The following ADAMTS14 variants were observed in gnomAD, a reference collection of about 807,000 sequenced individuals.
ADAMTS14 encodes A disintegrin and metalloproteinase with thrombospondin motifs 14.
Under a neutral mutation model 128.6 loss-of-function variants are expected in ADAMTS14, and 100 were observed. The ratio of observed to expected loss-of-function variants is 0.78; its 90% CI spans 0.66 to 0.92. The LOEUF (loss-of-function observed/expected upper bound fraction) is 0.92, where lower values mean the gene tolerates loss of function less well. Among genes scored for constraint, ADAMTS14 ranks in the 40% least tolerant of loss-of-function variants. The pLI is 0.00. For missense variants in ADAMTS14, 1,562 were observed against 1,658.6 expected, an observed-to-expected ratio of 0.94 and a Z score of 1.01; for synonymous variants, 665 against 653.8, an observed-to-expected ratio of 1.02 and a Z score of -0.26.
chr10:70,719,102 G>A (rs1354396690), intron 4 of ADAMTS14, among the ~76,000 whole-genome samples: 1 of 151,882 alleles, frequency 6.6e-6, no homozygotes, highest in Non-Finnish European at 1.5e-5. Context: ...TAGAGGCCAG[G>A]GATTCCACTA....
At chr10:70,751,215 G>A (rs1647383711) in intron 16 of ADAMTS14, among the ~76,000 whole-genome samples, 1 of 152,146 alleles carries the variant, frequency 6.6e-6, no homozygotes, top group African/African-American at 2.4e-5. Flanking sequence ...CAGAACTGAG[G>A]TCTATGAAAG....
At chr10:70,700,525 G>A (rs1026182510) in intron 2 of ADAMTS14, among the ~76,000 whole-genome samples, 6 of 152,222 alleles carry the variant, frequency 3.9e-5, no homozygotes, top group Admixed American at 6.5e-5. Flanking sequence ...GCCTGTCTGG[G>A]AGGAGGGAGG....
chr10:70,715,803 GC>G (rs1841019832), intron 4 of ADAMTS14, among the ~76,000 whole-genome samples: 3 of 152,184 alleles, frequency 2.0e-5, no homozygotes, highest in Non-Finnish European at 4.4e-5. Context: ...GGGGTAGGAA[GC>G]CCTCCAATCT....
intron 4 of ADAMTS14, among the ~76,000 whole-genome samples, chr10:70,717,407 G>T (rs1418119616): frequency 6.6e-6 from 1 of 152,198 alleles, no homozygotes; most frequent in African/African-American, 2.4e-5. Context: ...TGGGGGTAGG[G>T]TTGAGGAAGG....
At chr10:70,729,120 G>A (rs1252898365) in intron 4 of ADAMTS14, among the ~76,000 whole-genome samples, 174 bp from the exon 5 acceptor site, 1 of 152,014 alleles carries the variant, frequency 6.6e-6, no homozygotes, top group African/African-American at 2.4e-5. Context: ...GTGTCCTCGG[G>A]CAGGTCATTT....
At chr10:70,727,297 C>T (rs921962644) in intron 4 of ADAMTS14, among the ~76,000 whole-genome samples, 2 of 152,200 alleles carry the variant, frequency 1.3e-5, no homozygotes, top group African/African-American at 2.4e-5. Flanking sequence ...GGGACTGTCA[C>T]GCCTGTGTGG....
Position 70,760,972 on chromosome 10 carries a change from C to G in ADAMTS14, c.*119C>G. The G allele has an allele frequency of 7.4e-7, 1 of 1,354,600 alleles. No homozygotes were observed. Among genetic ancestry groups the G allele is most frequent in the Non-Finnish European group, 9.7e-7 (1 of 1,031,658 alleles). The allele number at this position is 1,354,600 out of a possible 1,614,324, so 83.9% of individuals were successfully genotyped here. A position where few individuals can be genotyped will look rare whatever the true frequency, so the allele number is the denominator to read the frequency against. On this transcript the variant is annotated 3_prime_UTR_variant, in exon 22 of 22. Transcript: ENST00000373207. ...CACAGACTTCATTTTAAATCATTCG[C>G]CTTCTTCTCGTTTGGGGCTGTGATG...
At chr10:70,694,048 CT>C (rs767073623) in intron 2 of ADAMTS14, among the ~76,000 whole-genome samples, 3 of 152,364 alleles carry the variant, frequency 2.0e-5, no homozygotes, top group African/African-American at 7.2e-5. Context: ...AGCTTTCAGA[CT>C]TTTTTTGGCT....
At chr10:70,747,482 G>A (rs371751587) in intron 15 of ADAMTS14, among the ~76,000 whole-genome samples, 1 of 152,138 alleles carries the variant, frequency 6.6e-6, no homozygotes, top group East Asian at 1.9e-4. Context: ...GGGGCCGGGG[G>A]AGGGAAGGGG....
At chr10:70,705,185 GGTGCTGGGCCACCA>G (rs1840623845) in intron 3 of ADAMTS14, among the ~76,000 whole-genome samples, 1 of 152,184 alleles carries the variant, frequency 6.6e-6, no homozygotes, top group Admixed American at 6.5e-5. Flanking sequence ...AGGAATTCCC[GGTGCTGGGCCACCA>G]GGCTCAAGCT....
In ADAMTS14 at chr10:70,751,621, C is replaced by T. The variant is rs548398740; in HGVS notation, c.2571C>T (p.Ala857=). Residue 857 remains alanine (A), a synonymous_variant, in exon 17 of 22, where the codon GCC becomes GCT. Transcript: ENST00000373207. ...ATGAGTGGGCGCTCAAGAGCTGGGC[C>T]CCCTGCAGCAAGGCCTGTGGAGGAG... The part of the protein sequence containing the change: ...DTYEWALKSW[A]PCSKACGGGI... 6.8e-5 allele frequency: 110 copies of T among 1,611,406 alleles called. No individual in the cohort carries two copies. The East Asian group carries it at 8.7e-4, about 13-fold the overall frequency.
intron 2 of ADAMTS14, among the ~76,000 whole-genome samples, chr10:70,695,349 A>G (rs1235144803): frequency 6.6e-6 from 1 of 152,062 alleles, no homozygotes; most frequent in African/African-American, 2.4e-5. Context: ...ATTCATAAAG[A>G]CTTAAGGACA....
rs1491151959 is a variant in ADAMTS14 at position 70,674,607 on chromosome 10, GCA to G, written c.137_138del (p.Thr46ArgfsTer126). 1 of 1,614,008 alleles carries G rather than the reference GCA, an allele frequency of 6.2e-7. No individual in the cohort carries two copies. The highest frequency in any genetic ancestry group is 8.5e-7 in the Non-Finnish European group (1 of 1,180,024). On this transcript the variant is annotated frameshift_variant, in exon 2 of 22. Transcript: ENST00000373207. LOFTEE classifies it high-confidence loss of function. ...GACTATGGTGTGACAGTGCCCTGCA[GCA>G]CAGACTTTCGGGGACGCTTCCTCTC...
chr10:70,699,715 G>A (rs1375594262), intron 2 of ADAMTS14, among the ~76,000 whole-genome samples: 1 of 152,160 alleles, frequency 6.6e-6, no homozygotes. Flanking sequence ...TGTGGGGCAG[G>A]GAATGCTAGG....
intron 2 of ADAMTS14, among the ~76,000 whole-genome samples, chr10:70,676,168 G>T (rs1286681026): frequency 2.0e-5 from 3 of 148,126 alleles, no homozygotes; most frequent in Admixed American, 1.3e-4. Flanking sequence ...TCACTATGTT[G>T]CCCAGGCTGG....
Position 70,674,642 on chromosome 10 carries a change from G to A in ADAMTS14, c.169G>A (p.Val57Met), listed in dbSNP as rs756578095. 2.5e-5 allele frequency: 41 copies of A among 1,613,550 alleles called. No individual in the cohort carries two copies. The highest frequency in any genetic ancestry group is 5.0e-5 in the Admixed American group (3 of 60,010). ...TCGGGGACGCTTCCTCTCCCACGTGGTGTCTGGCCCAGCAGCAGCCTCTGC... is the reference window on the plus strand; with the variant it reads ...TCGGGGACGCTTCCTCTCCCACGTGATGTCTGGCCCAGCAGCAGCCTCTGC... ...DFRGRFLSHV[V>M]SGPAAASAGS... is the part of the protein sequence containing the mutation. The change falls in exon 2 of 22, where the codon GTG (valine) becomes ATG (methionine). Residue 57 changes from valine (V) to methionine (M), a missense_variant. Val to Met is a conservative substitution (Grantham distance 21, BLOSUM62 1). Coordinates refer to ENST00000373207, the MANE Select transcript of ADAMTS14 (RefSeq NM_080722.4).
rs1390025978 is a variant in ADAMTS14 at position 70,690,697 on chromosome 10, C to A, written c.523-11615C>A. Among the ~76,000 whole-genome samples, 2 of 145,158 alleles carry A rather than the reference C, an allele frequency of 1.4e-5. 1 individual carries two copies. The highest frequency in any genetic ancestry group is 3.2e-5 in the Non-Finnish European group (2 of 63,422). On this transcript the variant is annotated intron_variant, in intron 2 of 21. Coordinates refer to ENST00000373207, the MANE Select transcript of ADAMTS14 (RefSeq NM_080722.4). ...CTGGGACAGTGACCTGTGGGGCCCTCTCTTGGGCCTGTTCTCCACTGCCAA... is the reference window on the plus strand; with the variant it reads ...CTGGGACAGTGACCTGTGGGGCCCTATCTTGGGCCTGTTCTCCACTGCCAA...
At chr10:70,728,181 G>A (rs1841505986) in intron 4 of ADAMTS14, among the ~76,000 whole-genome samples, 1 of 151,988 alleles carries the variant, frequency 6.6e-6, no homozygotes, top group African/African-American at 2.4e-5. Context: ...AAGCCACCGT[G>A]CCTATGCCCG....
intron 2 of ADAMTS14, among the ~76,000 whole-genome samples, chr10:70,679,572 C>T (rs547058354): frequency 1.3e-5 from 2 of 152,292 alleles, no homozygotes; most frequent in Non-Finnish European, 2.9e-5. Context: ...CATCTAGAAT[C>T]CAGGCCACCA....
Sources: gnomAD v4.1 joint callset for allele counts (sites outside exome capture counted in the v4.1 genomes callset) on GRCh38, gnomAD v4.1.1 for gene constraint, MANE v1.5 for transcripts, NCBI Gene and HGNC (gene_info 2026-07-23, HGNC 2026-07-21) for gene names.